RPAIN: variants seen among roughly 807,000 people sequenced by gnomAD.
RPAIN encodes RPA interacting protein.
In RPAIN, 29 loss-of-function variants were observed where a neutral mutation model predicts 30.5. That is an observed-to-expected ratio of 0.95 (90% CI 0.71 to 1.30). The LOEUF (loss-of-function observed/expected upper bound fraction) is 1.30. Among genes scored for constraint, RPAIN ranks in the 50% most tolerant of loss-of-function variants. The pLI, the probability that RPAIN is intolerant of heterozygous loss-of-function variation, is 0.00. For missense variants in RPAIN, 247 were observed against 264.7 expected (o/e 0.93, Z 0.46); for synonymous variants, 101 against 93.5 (o/e 1.08, Z -0.46).
intron 6 of RPAIN, chr17:5,431,884 T>C: frequency 3.1e-6 from 1 of 325,026 alleles, no homozygotes; most frequent in South Asian, 2.5e-5. Flanking sequence ...CACTTATGCC[T>C]ACTGTTTAAT....
rs759967378 is a variant in RPAIN at position 5,421,409 on chromosome 17, GGAA to G, written c.201_203del (p.Glu68del). 1 of 1,614,130 alleles carries G rather than the reference GGAA, an allele frequency of 6.2e-7. No individual in the cohort carries two copies. Among genetic ancestry groups the G allele is most frequent in the Admixed American group, 1.7e-5 (1 of 60,026 alleles). On this transcript the variant is annotated inframe_deletion, in exon 2 of 7. Transcript: ENST00000381209. ...ACAGCTTTCTAGTTCAAGAGGTGAT[GGAA>G]GAAGAGTGGAATGCTTTGCAGTCAG...
chr17:5,432,686 A>T lies in RPAIN; in HGVS notation c.*115A>T. 1 of 1,096,100 alleles carries T rather than the reference A, an allele frequency of 9.1e-7. No individual in the cohort carries two copies. The highest frequency in any genetic ancestry group is 1.3e-6 in the Non-Finnish European group (1 of 746,794). 67.9% of individuals were successfully genotyped at this position (1,096,100 alleles called of 1,614,324 possible). A position where few individuals can be genotyped will look rare whatever the true frequency, so the allele number is the denominator to read the frequency against. Reference sequence around the variant, plus strand: ...TTATTTTGTATTGAAACTTTTAAACAATACTGAAGAAAAAAAAACTTTTCC... The same window carrying T: ...TTATTTTGTATTGAAACTTTTAAACTATACTGAAGAAAAAAAAACTTTTCC... On this transcript the variant is annotated 3_prime_UTR_variant, in exon 7 of 7. Coordinates refer to ENST00000381209, the MANE Select transcript of RPAIN (RefSeq NM_001033002.4).
chr17:5,425,938 T>G, intron 3 of RPAIN, 33 bp from the exon 4 acceptor site: 1 of 1,403,590 alleles, frequency 7.1e-7, no homozygotes, highest in Non-Finnish European at 1.0e-6. Flanking sequence ...AGCTGAAGCA[T>G]GGTGAAGCCC....
Position 5,426,223 on chromosome 17 carries a change from A to C in RPAIN, c.426-13A>C. ...GTGGCCATGATGCTCTGGGATCCTA[A>C]TTCTGCTTCTAGGTACAACCTGAGA... is the stretch of plus-strand genomic sequence containing the variant. On this transcript the variant is annotated splice_polypyrimidine_tract_variant and intron_variant, in intron 4 of 6. Coordinates refer to ENST00000381209, the MANE Select transcript of RPAIN (RefSeq NM_001033002.4). 2 of 1,614,038 alleles carry C rather than the reference A, an allele frequency of 1.2e-6. No individual in the cohort carries two copies. The highest frequency in any genetic ancestry group is 1.7e-6 in the Non-Finnish European group (2 of 1,179,868).
At chr17:5,432,353 C>G (rs1916058541) in intron 6 of RPAIN, 189 bp from the exon 7 acceptor site, 1 of 589,988 alleles carries the variant, frequency 1.7e-6, no homozygotes, top group Non-Finnish European at 3.0e-6. Flanking sequence ...TGTTTGAAGG[C>G]TGCAGGACAG....
intron 3 of RPAIN, among the ~76,000 whole-genome samples, chr17:5,423,701 C>G (rs1170956554): frequency 6.6e-6 from 1 of 151,998 alleles, no homozygotes. Flanking sequence ...AATTTTGTAC[C>G]TTATATAGTT....
At chr17:5,420,567 G>A (rs959612228) in intron 1 of RPAIN, among the ~76,000 whole-genome samples, 27 of 152,046 alleles carry the variant, frequency 1.8e-4, no homozygotes, top group African/African-American at 6.3e-4. Flanking sequence ...TGCTGCGGAG[G>A]TGGCCACCGA....
At chr17:5,420,434 T>G in intron 1 of RPAIN, 143 bp downstream of exon 1, 1 of 662,850 alleles carries the variant, frequency 1.5e-6, no homozygotes, top group Non-Finnish European at 2.6e-6. Flanking sequence ...GACTGTAGAG[T>G]GTGGGATTAG....
In RPAIN at chr17:5,428,768, T is replaced by C. The variant is rs1039810222; in HGVS notation, c.630+557T>C. ...TGTCCTTTCCATATATGTGTATGTA[T>C]GTATGTACATGTGTATATATATCAC... On this transcript the variant is annotated intron_variant, in intron 6 of 6. Coordinates refer to ENST00000381209, the MANE Select transcript of RPAIN (RefSeq NM_001033002.4). The C allele has an allele frequency of 5.6e-5, 56 of 1,002,662 alleles. No homozygotes were observed. In the African/African-American group the frequency reaches 9.0e-4, roughly 16 times the overall value. The allele number at this position is 1,002,662 out of a possible 1,614,324, so 62.1% of individuals were successfully genotyped here. A position where few individuals can be genotyped will look rare whatever the true frequency, so the allele number is the denominator to read the frequency against.
At chr17:5,429,840 G>A (rs376696569) in intron 6 of RPAIN, 55 of 885,962 alleles carry the variant, frequency 6.2e-5, no homozygotes, top group East Asian at 2.4e-4. Context: ...ACAATATGCC[G>A]TGTACTTCAT....
chr17:5,431,250 G>C (rs1246009707), intron 6 of RPAIN: 4 of 354,504 alleles, frequency 1.1e-5, no homozygotes, highest in Non-Finnish European at 2.2e-5. Context: ...ATTTAGGAAG[G>C]CTGAGGTGGG....
intron 6 of RPAIN, chr17:5,429,082 A>G: frequency 1.0e-6 from 1 of 985,302 alleles, no homozygotes; most frequent in Non-Finnish European, 1.2e-6. Flanking sequence ...AGGACTCATT[A>G]ACATTGAGAA....
At chr17:5,432,179 G>C in intron 6 of RPAIN, 1 of 223,278 alleles carries the variant, frequency 4.5e-6, no homozygotes, top group South Asian at 8.7e-5. Flanking sequence ...GTGTAGATTT[G>C]GAGTCTCATC....
chr17:5,420,968 G>A (rs1199247221), intron 1 of RPAIN, among the ~76,000 whole-genome samples: 1 of 152,152 alleles, frequency 6.6e-6, no homozygotes, highest in Non-Finnish European at 1.5e-5. Context: ...CAGGAAGGCC[G>A]TTACCCAGCC....
chr17:5,422,148 A>T (rs1332074483), intron 2 of RPAIN, among the ~76,000 whole-genome samples: 1 of 152,212 alleles, frequency 6.6e-6, no homozygotes, highest in East Asian at 1.9e-4. Context: ...CAGGAAGAAC[A>T]CTGGATTCGA....
Position 5,428,066 on chromosome 17 carries a change from T to C in RPAIN, c.490-5T>C, listed in dbSNP as rs375296059. On this transcript the variant is annotated splice_region_variant and splice_polypyrimidine_tract_variant and intron_variant, in intron 5 of 6. Coordinates refer to ENST00000381209, the MANE Select transcript of RPAIN (RefSeq NM_001033002.4). ...GAGAGGAGGTTGAACTTTTTTATTT[T>C]GTAGTCTTCTGAGTTGACAGAGCAG... is the stretch of plus-strand genomic sequence containing the variant. 3.1e-6 allele frequency: 5 copies of C among 1,614,008 alleles called. No homozygotes were observed. In the African/African-American group the frequency reaches 6.7e-5, roughly 22 times the overall value.
chr17:5,432,658 A>AACTT lies in RPAIN; in HGVS notation c.*89_*92dup. 7.8e-7 allele frequency: 1 copy of AACTT among 1,278,646 alleles called. No individual in the cohort carries two copies. Among genetic ancestry groups the AACTT allele is most frequent in the South Asian group, 1.3e-5 (1 of 78,162 alleles). The allele number at this position is 1,278,646 out of a possible 1,614,324, so 79.2% of individuals were successfully genotyped here. On this transcript the variant is annotated 3_prime_UTR_variant, in exon 7 of 7. Coordinates refer to ENST00000381209, the MANE Select transcript of RPAIN (RefSeq NM_001033002.4). ...TTGTACATACAAGCCTTTTATTTAT[A>AACTT]ACTTATTTTGTATTGAAACTTTTAA...
At chr17:5,421,193 G>C (rs1440484542) in intron 1 of RPAIN, 103 bp from the exon 2 acceptor site, 3 of 1,142,322 alleles carry the variant, frequency 2.6e-6, no homozygotes, top group East Asian at 5.1e-5. Flanking sequence ...TTGAAATTTT[G>C]TGTCTATAAA....
intron 6 of RPAIN, 65 bp downstream of exon 6, chr17:5,428,276 G>C: frequency 6.2e-7 from 1 of 1,611,972 alleles, no homozygotes; most frequent in Non-Finnish European, 8.5e-7. Context: ...TTCCCACCTT[G>C]ATAGAAATAA....
Sources: gnomAD v4.1 joint callset for allele counts (sites outside exome capture counted in the v4.1 genomes callset) on GRCh38, gnomAD v4.1.1 for gene constraint, MANE v1.5 for transcripts, NCBI Gene and HGNC (gene_info 2026-07-23, HGNC 2026-07-21) for gene names.